DMBX1: variants seen among roughly 807,000 people sequenced by gnomAD.
DMBX1 encodes the protein diencephalon/mesencephalon homeobox 1.
In DMBX1, 7 loss-of-function variants were observed where a neutral mutation model predicts 30.4. The ratio of observed to expected loss-of-function variants is 0.23; its 90% CI spans 0.13 to 0.43. DMBX1 has a LOEUF of 0.43. Among genes scored for constraint, DMBX1 ranks in the 20% least tolerant of loss-of-function variants. The pLI is 1.00. For synonymous variants in DMBX1, 222 were observed against 214.2 expected (o/e 1.04, Z -0.32); for missense variants, 460 against 508.5 (o/e 0.90, Z 0.92).
At chr1:46,494,535 G>T (rs928702278) in intron 2 of DMBX1, among the ~76,000 whole-genome samples, 1 of 152,128 alleles carries the variant, frequency 6.6e-6, no homozygotes. Context: ...TAAGAGCCCC[G>T]ACTCCTTCAA....
At chr1:46,494,105 T>C (rs1272181177) in intron 2 of DMBX1, among the ~76,000 whole-genome samples, 1 of 152,250 alleles carries the variant, frequency 6.6e-6, no homozygotes, top group East Asian at 1.9e-4. Context: ...GTGTGCTAGC[T>C]GTATCTCTGC....
In DMBX1 at chr1:46,493,930, C is replaced by T. The variant is rs2148480853; in HGVS notation, c.-13+3147C>T. 6.6e-6 allele frequency among the ~76,000 whole-genome samples: 1 copy of T among 152,380 alleles called. No homozygotes were observed. The highest frequency in any genetic ancestry group is 3.4e-3 in the Middle Eastern group (1 of 294). ...CCTGTTTCCCAGCCCCGGCCTGGAT[C>T]TGGATGGCCAAAAGTGGACCAGGTC... On this transcript the variant is annotated intron_variant, in intron 2 of 5. Coordinates refer to ENST00000360032, the MANE Select transcript of DMBX1 (RefSeq NM_172225.2). This position sits in a 1 kb window ranked among gnomAD's most constrained non-coding sequence, Gnocchi z 4.1.
intron 2 of DMBX1, among the ~76,000 whole-genome samples, chr1:46,501,053 A>G (rs928820422): frequency 9.9e-5 from 15 of 152,148 alleles, no homozygotes; most frequent in Non-Finnish European, 5.9e-5. Context: ...GAGAATGACC[A>G]TCTGCCACTC....
chr1:46,510,932 C>G lies in DMBX1; in HGVS notation c.334-3C>G, dbSNP rs773175722. 4 of 1,597,004 alleles carry G rather than the reference C, an allele frequency of 2.5e-6. No homozygotes were observed. In the South Asian group the frequency reaches 4.5e-5, roughly 18 times the overall value. On this transcript the variant is annotated splice_polypyrimidine_tract_variant and splice_region_variant and intron_variant, in intron 4 of 5. Coordinates refer to ENST00000360032, the MANE Select transcript of DMBX1 (RefSeq NM_172225.2). This position sits in a 1 kb window ranked among gnomAD's most constrained non-coding sequence, Gnocchi z 4.1. Reference sequence around the variant, plus strand: ...CCTCGGACTGCTCCTTTCCCGTCCCCAGGTGTGGTTCAAGAACCGCCGGGC... The same window carrying G: ...CCTCGGACTGCTCCTTTCCCGTCCCGAGGTGTGGTTCAAGAACCGCCGGGC...
rs1051876381 is a variant in DMBX1 at position 46,493,796 on chromosome 1, A to G, written c.-13+3013A>G. Among the ~76,000 whole-genome samples the G allele has an allele frequency of 3.9e-5, 6 of 152,192 alleles. No homozygotes were observed. Among genetic ancestry groups the G allele is most frequent in the Non-Finnish European group, 2.9e-5 (2 of 68,032 alleles). ...GTCAGTGTGCAGAGCAGGAGCCGCAACCGCGCTTTCTGCGCCCGCAGGACA... is the reference window on the plus strand; with the variant it reads ...GTCAGTGTGCAGAGCAGGAGCCGCAGCCGCGCTTTCTGCGCCCGCAGGACA... On this transcript the variant is annotated intron_variant, in intron 2 of 5. Transcript: ENST00000360032. This position sits in a 1 kb window ranked among gnomAD's most constrained non-coding sequence, Gnocchi z 4.1.
At chr1:46,505,797 A>T (rs998558503) in intron 2 of DMBX1, among the ~76,000 whole-genome samples, 2 of 151,986 alleles carry the variant, frequency 1.3e-5, no homozygotes, top group Admixed American at 1.3e-4. Flanking sequence ...AAAAAAAAAA[A>T]AAGAAAGAAT....
Position 46,515,496 on chromosome 1 carries a change from A to G in DMBX1, c.*3002A>G, listed in dbSNP as rs1666472682. 6.6e-6 allele frequency among the ~76,000 whole-genome samples: 1 copy of G among 152,188 alleles called. No individual in the cohort carries two copies. Among genetic ancestry groups the G allele is most frequent in the South Asian group, 2.1e-4 (1 of 4,826 alleles). On this transcript the variant is annotated 3_prime_UTR_variant, in exon 6 of 6. Transcript: ENST00000360032. ...CCGAGCTTCCCTCAGATGTTTGTTA[A>G]CACTTGTCCCATTCAATTGACCCAA...
intron 2 of DMBX1, among the ~76,000 whole-genome samples, chr1:46,504,591 A>C (rs1370471490): frequency 6.8e-6 from 1 of 146,178 alleles, no homozygotes; most frequent in Non-Finnish European, 1.5e-5. Flanking sequence ...TTTTGGTACC[A>C]GTACCATGCT....
rs1358597917 is a variant in DMBX1, at chr1:46,512,067, C to A, written c.707C>A (p.Thr236Asn). 3 of 1,612,712 alleles carry A rather than the reference C, an allele frequency of 1.9e-6. No individual in the cohort carries two copies. In the East Asian group the frequency reaches 6.7e-5, roughly 36 times the overall value. The change falls in exon 6 of 6, where the codon ACT becomes AAT. Residue 236 changes from threonine to asparagine, a missense_variant. Thr to Asn is a moderately conservative substitution (Grantham distance 65, BLOSUM62 0). Transcript: ENST00000360032. The surrounding 1 kb of genome is among the most constrained non-coding windows in gnomAD (Gnocchi z 4.8). Reference sequence around the variant, plus strand: ...GATTCCCCAGGCAGCCTGACCATCACTCCTGTGGCCCCAGGGGGTGGCCTC... The same window carrying A: ...GATTCCCCAGGCAGCCTGACCATCAATCCTGTGGCCCCAGGGGGTGGCCTC... ...KADSPGSLTI[T>N]PVAPGGGLLG...
intron 2 of DMBX1, among the ~76,000 whole-genome samples, chr1:46,496,075 G>C (rs1009094171): frequency 5.9e-5 from 9 of 152,212 alleles, no homozygotes; most frequent in Non-Finnish European, 1.2e-4. Context: ...CCCCTGGCAG[G>C]GGGAGGAAGA....
At chr1:46,509,615 C>A (rs1666312822) in intron 3 of DMBX1, among the ~76,000 whole-genome samples, 1 of 152,158 alleles carries the variant, frequency 6.6e-6, no homozygotes, top group Non-Finnish European at 1.5e-5. Context: ...AGGTAGACAC[C>A]TATCCTGGGT....
rs1218599774 is a variant in DMBX1 at position 46,493,133 on chromosome 1, C to T, written c.-13+2350C>T. ...CCCCTTTCTCACAGTCCCGCTCGGC[C>T]GCCCCGCAGTGCCCATGTAAATGAC... is the stretch of plus-strand genomic sequence containing the variant. On this transcript the variant is annotated intron_variant, in intron 2 of 5. Transcript: ENST00000360032. This position sits in a 1 kb window ranked among gnomAD's most constrained non-coding sequence, Gnocchi z 4.1. Among the ~76,000 whole-genome samples the T allele has an allele frequency of 2.0e-5, 3 of 152,166 alleles. No homozygotes were observed. Among genetic ancestry groups the T allele is most frequent in the African/African-American group, 4.8e-5 (2 of 41,424 alleles).
intron 1 of DMBX1, among the ~76,000 whole-genome samples, chr1:46,490,130 G>A (rs954858812): frequency 3.9e-5 from 6 of 152,232 alleles, no homozygotes; most frequent in African/African-American, 1.4e-4. Context: ...GGGTGAGACA[G>A]AGGAAGAGAT....
rs908807551 is a variant in DMBX1, at chr1:46,491,041, G to A, written c.-13+258G>A. 2.0e-5 allele frequency among the ~76,000 whole-genome samples: 3 copies of A among 152,200 alleles called. No individual in the cohort carries two copies. The highest frequency in any genetic ancestry group is 4.4e-5 in the Non-Finnish European group (3 of 68,038). ...CAGGCCAGGGGCCCTGATGGACTGTGCAGGGTCCCGGGCACCACCGGCTGA... is the reference window on the plus strand; with the variant it reads ...CAGGCCAGGGGCCCTGATGGACTGTACAGGGTCCCGGGCACCACCGGCTGA... On this transcript the variant is annotated intron_variant, in intron 2 of 5. Transcript: ENST00000360032. The surrounding 1 kb of genome is among the most constrained non-coding windows in gnomAD (Gnocchi z 5.5).
At chr1:46,501,926 A>G (rs1399542768) in intron 2 of DMBX1, among the ~76,000 whole-genome samples, 1 of 150,952 alleles carries the variant, frequency 6.6e-6, no homozygotes, top group Non-Finnish European at 1.5e-5. Context: ...CATATACAGT[A>G]TATAACAGAT....
Position 46,515,973 on chromosome 1 carries a change from GT to G in DMBX1, c.*3483del, listed in dbSNP as rs1424355901. Among the ~76,000 whole-genome samples the G allele has an allele frequency of 6.6e-6, 1 of 152,208 alleles. No individual in the cohort carries two copies. Among genetic ancestry groups the G allele is most frequent in the Non-Finnish European group, 1.5e-5 (1 of 68,042 alleles). On this transcript the variant is annotated 3_prime_UTR_variant, in exon 6 of 6. Coordinates refer to ENST00000360032, the MANE Select transcript of DMBX1 (RefSeq NM_172225.2). ...CTACAGACTGCTTTCCAAACCAGCT[GT>G]TTTGTGACCATTTGTGCTTAGAGGT...
chr1:46,501,938 T>C (rs1202281185), intron 2 of DMBX1, among the ~76,000 whole-genome samples: 1 of 151,004 alleles, frequency 6.6e-6, no homozygotes, highest in African/African-American at 2.4e-5. Context: ...ATAACAGATA[T>C]TTTTCCAAAT....
In DMBX1 at chr1:46,515,454, G is replaced by A. The variant is rs898257353; in HGVS notation, c.*2960G>A. On this transcript the variant is annotated 3_prime_UTR_variant, in exon 6 of 6. Coordinates refer to ENST00000360032, the MANE Select transcript of DMBX1 (RefSeq NM_172225.2). The stretch of plus-strand genomic sequence containing the variant: ...AATGTTCTGTCATGGCTGGAGGCAG[G>A]CCCACCTTAGGAGCAGCCGAGCTTC... Among the ~76,000 whole-genome samples the A allele has an allele frequency of 1.3e-5, 2 of 152,182 alleles. No homozygotes were observed. Among genetic ancestry groups the A allele is most frequent in the African/African-American group, 4.8e-5 (2 of 41,452 alleles).
chr1:46,502,607 C>A (rs1396463390), intron 2 of DMBX1, among the ~76,000 whole-genome samples: 1 of 152,172 alleles, frequency 6.6e-6, no homozygotes, highest in Non-Finnish European at 1.5e-5. Flanking sequence ...AAACCATAGG[C>A]CAGGTGTGGT....
Sources: allele counts gnomAD v4.1 joint callset (sites outside exome capture counted in the v4.1 genomes callset), GRCh38; gene constraint gnomAD v4.1.1; non-coding constraint Gnocchi (gnomAD v3.1); transcripts MANE v1.5; gene names NCBI Gene and HGNC (gene_info 2026-07-23, HGNC 2026-07-21).